The following CTXND2 variants were observed in gnomAD, a reference collection of about 807,000 sequenced individuals.
CTXND2 encodes cortexin domain containing 2.
chr1:150,910,074 GTTTTAAGCT>G (rs1286340441), intron 1 of CTXND2, among the ~76,000 whole-genome samples: 1 of 148,596 alleles, frequency 6.7e-6, no homozygotes, highest in African/African-American at 2.5e-5. Flanking sequence ...ACAAATGTAA[GTTTTAAGCT>G]TTAAGACCAG....
At chr1:150,909,489 C>T (rs1571606794) in intron 1 of CTXND2, among the ~76,000 whole-genome samples, 1 of 151,736 alleles carries the variant, frequency 6.6e-6, no homozygotes. Flanking sequence ...CCTGGGAGGT[C>T]GAGGCTGCAG....
At chr1:150,905,284 C>T (rs758812623) in intron 1 of CTXND2, among the ~76,000 whole-genome samples, 36 of 151,902 alleles carry the variant, frequency 2.4e-4, no homozygotes, top group Non-Finnish European at 4.4e-4. Context: ...GCTGGGACTA[C>T]AGGCACACAC....
chr1:150,905,914 C>T lies in CTXND2; in HGVS notation c.-73-6328C>T, dbSNP rs587691105. On this transcript the variant is annotated intron_variant, in intron 1 of 1. Coordinates refer to ENST00000636087, the Ensembl canonical transcript of CTXND2. The stretch of plus-strand genomic sequence containing the variant: ...CTGAGGCAGGAGAATGGCGTGAACC[C>T]GGGAGGCGGAGCTTGCAGTGAGCTG... Among the ~76,000 whole-genome samples, 13 of 151,314 alleles carry T rather than the reference C, an allele frequency of 8.6e-5. 1 individual carries two copies. The highest frequency in any genetic ancestry group is 2.1e-4 in the South Asian group (1 of 4,750).
At chr1:150,907,635 T>A (rs956176009) in intron 1 of CTXND2, among the ~76,000 whole-genome samples, 4 of 152,172 alleles carry the variant, frequency 2.6e-5, no homozygotes, top group Non-Finnish European at 5.9e-5. Flanking sequence ...TATAAGTTTT[T>A]GTGTGGTCAC....
At chr1:150,896,634 A>C (rs1303927904) in intron 1 of CTXND2, among the ~76,000 whole-genome samples, 1 of 152,206 alleles carries the variant, frequency 6.6e-6, no homozygotes, top group Non-Finnish European at 1.5e-5. Context: ...ATTTCCTTTT[A>C]GATCACCAGT....
At chr1:150,901,203 G>A (rs1377446223) in intron 1 of CTXND2, among the ~76,000 whole-genome samples, 1 of 118,882 alleles carries the variant, frequency 8.4e-6, no homozygotes, top group South Asian at 2.4e-4. Context: ...AATGCAAAAT[G>A]TATTCTTTGG....
chr1:150,896,335 T>C (rs587745031), intron 1 of CTXND2, among the ~76,000 whole-genome samples: 1 of 152,360 alleles, frequency 6.6e-6, no homozygotes, highest in African/African-American at 2.4e-5. Context: ...CTGGACTTTT[T>C]GGCCATATGA....
At chr1:150,906,467 A>G (rs903876163) in intron 1 of CTXND2, among the ~76,000 whole-genome samples, 2 of 152,174 alleles carry the variant, frequency 1.3e-5, no homozygotes, top group African/African-American at 4.8e-5. Context: ...CATTGGTACA[A>G]TTGGTGACAC....
At chr1:150,912,448 C>G in exon 2 of CTXND2, 1 of 398,562 alleles carries the variant, frequency 2.5e-6, no homozygotes. Flanking sequence ...CCCTACAAGG[C>G]CAGCTCCACA....
chr1:150,912,200 C>A, intron 1 of CTXND2, 42 bp from the exon 2 acceptor site: 1 of 397,150 alleles, frequency 2.5e-6, no homozygotes. Context: ...AAAACACATA[C>A]ACACACAAAC....
intron 1 of CTXND2, among the ~76,000 whole-genome samples, chr1:150,888,840 GCGTGCCACCA>G (rs1668809387): frequency 1.3e-5 from 2 of 151,772 alleles, no homozygotes; most frequent in Non-Finnish European, 2.9e-5. Context: ...GACTATAGGT[GCGTGCCACCA>G]CGCCAGGCTA....
intron 1 of CTXND2, among the ~76,000 whole-genome samples, chr1:150,905,257 C>T (rs1011267392): frequency 3.0e-4 from 46 of 151,796 alleles, no homozygotes; most frequent in African/African-American, 1.1e-3. Context: ...CATTCTCCTG[C>T]ATCAGCCTCC....
At position 150,900,913 on chromosome 1, in the gene CTXND2, G is replaced by A. The variant is rs146789195; in HGVS notation, c.-73-11329G>A. 6.6e-5 allele frequency among the ~76,000 whole-genome samples: 10 copies of A among 152,238 alleles called. No individual in the cohort carries two copies. The East Asian group carries it at 7.7e-4, about 12-fold the overall frequency. On this transcript the variant is annotated intron_variant, in intron 1 of 1. Coordinates refer to ENST00000636087, the Ensembl canonical transcript of CTXND2. The stretch of plus-strand genomic sequence containing the variant: ...GAGGATCACTTAAGTCCAGGAGTTC[G>A]AGACCAGCTTGGGCAAAATGGTGAG...
At chr1:150,905,389 C>G (rs1181847144) in intron 1 of CTXND2, among the ~76,000 whole-genome samples, 1 of 151,890 alleles carries the variant, frequency 6.6e-6, no homozygotes, top group Non-Finnish European at 1.5e-5. Flanking sequence ...GGTGATCCCC[C>G]CCAACCTCGG....
chr1:150,908,115 G>A (rs910147930), intron 1 of CTXND2, among the ~76,000 whole-genome samples: 2 of 150,738 alleles, frequency 1.3e-5, no homozygotes, highest in Non-Finnish European at 2.9e-5. Context: ...TGATCCTCCC[G>A]CCTCTGCCCC....
At chr1:150,909,597 TC>T (rs1325178148) in intron 1 of CTXND2, among the ~76,000 whole-genome samples, 1 of 152,142 alleles carries the variant, frequency 6.6e-6, no homozygotes, top group African/African-American at 2.4e-5. Context: ...CCAGTTTCTC[TC>T]TTTTTTGTTG....
intron 1 of CTXND2, among the ~76,000 whole-genome samples, chr1:150,898,533 G>A (rs587688022): frequency 2.0e-5 from 3 of 152,090 alleles, no homozygotes; most frequent in South Asian, 2.1e-4. Context: ...CAAGGCGGGC[G>A]GATCACAAGG....
intron 1 of CTXND2, among the ~76,000 whole-genome samples, chr1:150,902,032 G>A (rs1282315342): frequency 6.6e-6 from 1 of 152,116 alleles, no homozygotes. Flanking sequence ...TTGGGAGGCC[G>A]AGGCAGGCGG....
intron 1 of CTXND2, among the ~76,000 whole-genome samples, chr1:150,899,450 A>T (rs1370807200): frequency 1.3e-5 from 2 of 152,214 alleles, no homozygotes; most frequent in East Asian, 1.9e-4. Context: ...TTAAAAATTT[A>T]AAAATTTAAA....
Sources: allele counts gnomAD v4.1 joint callset (sites outside exome capture counted in the v4.1 genomes callset), GRCh38; gene constraint gnomAD v4.1.1; transcripts MANE v1.5; gene names NCBI Gene and HGNC (gene_info 2026-07-23, HGNC 2026-07-21).